The following EXOC6B variants were observed in gnomAD, a reference collection of about 807,000 sequenced individuals.
EXOC6B encodes the protein SEC15 homolog B.
Under a neutral mutation model 113.5 loss-of-function variants are expected in EXOC6B, and 54 were observed. That is an observed-to-expected ratio of 0.48 (90% confidence interval 0.38 to 0.60). The LOEUF (loss-of-function observed/expected upper bound fraction) is 0.60, where lower values mean the gene tolerates loss of function less well. Among genes scored for constraint, EXOC6B ranks in the 20% least tolerant of loss-of-function variants. The pLI, the probability that EXOC6B is intolerant of heterozygous loss-of-function variation, is 0.00. For missense variants in EXOC6B, 797 were observed against 977.5 expected, an observed-to-expected ratio of 0.82 and a Z score of 2.46; for synonymous variants, 357 against 339.0, an observed-to-expected ratio of 1.05 and a Z score of -0.58.
At chr2:72,784,399 T>C (rs1044592876) in intron 1 of EXOC6B, among the ~76,000 whole-genome samples, 1 of 152,220 alleles carries the variant, frequency 6.6e-6, no homozygotes, top group Non-Finnish European at 1.5e-5. Context: ...GATACTTTGA[T>C]AAGGATTGCA....
chr2:72,754,762 C>A lies in EXOC6B; in HGVS notation c.114-13293G>T, dbSNP rs187297953. Among the ~76,000 whole-genome samples, 203 of 151,556 alleles carry A rather than the reference C, an allele frequency of 1.3e-3. 1 individual carries two copies. Among genetic ancestry groups the A allele is most frequent in the African/African-American group, 4.7e-3 (196 of 41,290 alleles). On this transcript the variant is annotated intron_variant, in intron 1 of 21. Transcript: ENST00000272427. ...CTAAGTAGCTGGGATTACAGGCATG[C>A]ACCAACACAAGCAGCTAATTTTTTA...
chr2:72,598,813 T>C (rs1216929219), intron 6 of EXOC6B, among the ~76,000 whole-genome samples: 2 of 152,058 alleles, frequency 1.3e-5, no homozygotes, highest in African/African-American at 2.4e-5. Context: ...AACAGAGCAA[T>C]TCCTTGAAAG....
intron 18 of EXOC6B, among the ~76,000 whole-genome samples, chr2:72,457,971 C>A (rs964922454): frequency 6.6e-6 from 1 of 152,130 alleles, no homozygotes; most frequent in Admixed American, 6.6e-5. Context: ...GTGTCACACA[C>A]AAACACACTT....
At chr2:72,217,606 T>A (rs1190242067) in intron 20 of EXOC6B, among the ~76,000 whole-genome samples, 2 of 152,160 alleles carry the variant, frequency 1.3e-5, no homozygotes, top group African/African-American at 4.8e-5. Flanking sequence ...ACAGGGGCCC[T>A]CCTTGTTCAA....
intron 13 of EXOC6B, 63 bp from the exon 14 acceptor site, chr2:72,496,622 G>T (rs934228253): frequency 7.7e-6 from 7 of 912,988 alleles, no homozygotes; most frequent in Non-Finnish European, 1.2e-5. Flanking sequence ...GTAGGGGAGG[G>T]GAACAGAGGG....
At chr2:72,673,739 AT>A (rs1386591838) in intron 6 of EXOC6B, among the ~76,000 whole-genome samples, 1 of 149,002 alleles carries the variant, frequency 6.7e-6, no homozygotes, top group African/African-American at 2.4e-5. Context: ...TTTTTATTTT[AT>A]TTTTTTATTT....
At chr2:72,413,496 A>G (rs1694318791) in intron 18 of EXOC6B, among the ~76,000 whole-genome samples, 2 of 151,030 alleles carry the variant, frequency 1.3e-5, no homozygotes, top group African/African-American at 4.8e-5. Context: ...CATCCTGGCC[A>G]GTATGGTGAA....
chr2:72,238,921 CAG>C (rs1010942240), intron 20 of EXOC6B, among the ~76,000 whole-genome samples: 5 of 152,104 alleles, frequency 3.3e-5, no homozygotes, highest in Admixed American at 3.3e-4. Flanking sequence ...GTTTTTTAGA[CAG>C]AGTCTCACTC....
At chr2:72,667,324 C>T (rs1675464697) in intron 6 of EXOC6B, among the ~76,000 whole-genome samples, 1 of 152,218 alleles carries the variant, frequency 6.6e-6, no homozygotes, top group Non-Finnish European at 1.5e-5. Context: ...AGATTCAACA[C>T]TATTCCTATC....
intron 11 of EXOC6B, among the ~76,000 whole-genome samples, chr2:72,507,651 G>A (rs1700663884): frequency 6.6e-6 from 1 of 151,912 alleles, no homozygotes; most frequent in African/African-American, 2.4e-5. Flanking sequence ...GCAACCACTA[G>A]TCTACTTTTT....
intron 18 of EXOC6B, among the ~76,000 whole-genome samples, chr2:72,449,417 C>T (rs1273573960): frequency 3.9e-5 from 6 of 151,976 alleles, no homozygotes; most frequent in African/African-American, 7.2e-5. Context: ...GTGATACACC[C>T]GCCTCTGCCT....
At chr2:72,347,459 C>T (rs1689404459) in intron 19 of EXOC6B, among the ~76,000 whole-genome samples, 1 of 152,120 alleles carries the variant, frequency 6.6e-6, no homozygotes, top group Non-Finnish European at 1.5e-5. Flanking sequence ...ATTGAGAAAG[C>T]ATTCTGCAGG....
chr2:72,807,157 T>G (rs1685625976), intron 1 of EXOC6B, among the ~76,000 whole-genome samples: 1 of 152,212 alleles, frequency 6.6e-6, no homozygotes, highest in Non-Finnish European at 1.5e-5. Context: ...GCTTTAGATT[T>G]TACAGTTAAG....
chr2:72,701,139 T>G lies in EXOC6B; in HGVS notation c.669+16964A>C, dbSNP rs1678305183. Among the ~76,000 whole-genome samples, 3 of 151,554 alleles carry G rather than the reference T, an allele frequency of 2.0e-5. No individual in the cohort carries two copies. In the South Asian group the frequency reaches 6.2e-4, roughly 32 times the overall value. ...AAGGTGGATCATGAGGTCAAGGAGA[T>G]CAAGACCATCCTGGCCAACATAGTG... On this transcript the variant is annotated intron_variant, in intron 6 of 21. Coordinates refer to ENST00000272427, the MANE Select transcript of EXOC6B (RefSeq NM_015189.3).
chr2:72,523,640 G>T (rs1444457438), intron 8 of EXOC6B, among the ~76,000 whole-genome samples: 1 of 152,028 alleles, frequency 6.6e-6, no homozygotes, highest in Non-Finnish European at 1.5e-5. Flanking sequence ...AATCAGCCGG[G>T]CGTGGTGGCA....
At chr2:72,637,165 C>CAAA (rs912293510) in intron 6 of EXOC6B, among the ~76,000 whole-genome samples, 5 of 151,962 alleles carry the variant, frequency 3.3e-5, no homozygotes, top group Admixed American at 3.3e-4. Context: ...TGAAAGAAGT[C>CAAA]AAAAACCAAA....
chr2:72,254,262 C>A (rs1016296710), intron 20 of EXOC6B, among the ~76,000 whole-genome samples: 1 of 152,122 alleles, frequency 6.6e-6, no homozygotes, highest in South Asian at 2.1e-4. Context: ...CTGGGTAGAC[C>A]CCTGAACCCA....
intron 18 of EXOC6B, among the ~76,000 whole-genome samples, chr2:72,412,524 A>G (rs191788046): frequency 6.6e-6 from 1 of 152,328 alleles, no homozygotes; most frequent in African/African-American, 2.4e-5. Flanking sequence ...ACTGCTATTA[A>G]GAGAATGTCT....
At chr2:72,819,319 T>C (rs1178419927) in intron 1 of EXOC6B, among the ~76,000 whole-genome samples, 1 of 152,198 alleles carries the variant, frequency 6.6e-6, no homozygotes, top group Non-Finnish European at 1.5e-5. Context: ...TTTGTTGTTG[T>C]TTCTTCTTAA....
Sources: gnomAD v4.1 joint callset for allele counts (sites outside exome capture counted in the v4.1 genomes callset) on GRCh38, gnomAD v4.1.1 for gene constraint, MANE v1.5 for transcripts, NCBI Gene and HGNC (gene_info 2026-07-23, HGNC 2026-07-21) for gene names.